Variants in CACNA2D1 observed in about 807,000 individuals in gnomAD.
CACNA2D1 encodes calcium voltage-gated channel auxiliary subunit alpha2delta 1, also known as voltage-dependent calcium channel subunit alpha-2/delta-1.
CACNA2D1 carries 53 observed loss-of-function variants against 171.5 expected under a neutral mutation model. That is an observed-to-expected ratio of 0.31 (90% CI 0.25 to 0.39). CACNA2D1 has a LOEUF of 0.39. CACNA2D1 is among the 10% of genes least tolerant of loss of function. The probability of loss-of-function intolerance (pLI) is 1.00; values close to 1 mark genes in which losing one functional copy is unlikely to be tolerated. For synonymous variants in CACNA2D1, 442 were observed against 443.1 expected, an observed-to-expected ratio of 1.00 and a Z score of 0.03; for missense variants, 903 against 1,299.8, an observed-to-expected ratio of 0.69 and a Z score of 4.69.
chr7:82,197,501 CTAGTA>C (rs1365297126), intron 3 of CACNA2D1, among the ~76,000 whole-genome samples: 2 of 151,988 alleles, frequency 1.3e-5, no homozygotes, highest in African/African-American at 4.8e-5. Context: ...ATATAATTTT[CTAGTA>C]TATGGGGCTG....
intron 4 of CACNA2D1, among the ~76,000 whole-genome samples, chr7:82,162,268 G>A (rs753562497): frequency 6.6e-6 from 1 of 151,994 alleles, no homozygotes; most frequent in Non-Finnish European, 1.5e-5. Flanking sequence ...AAGAAATGTG[G>A]CAGAGCTAGA....
At chr7:82,171,147 G>T (rs1219216057) in intron 3 of CACNA2D1, among the ~76,000 whole-genome samples, 1 of 151,994 alleles carries the variant, frequency 6.6e-6, no homozygotes, top group Non-Finnish European at 1.5e-5. Flanking sequence ...TTTGATAGAG[G>T]ATTTGTGCAT....
intron 4 of CACNA2D1, among the ~76,000 whole-genome samples, chr7:82,147,647 T>A (rs568214632): frequency 7.9e-5 from 12 of 152,314 alleles, no homozygotes; most frequent in Non-Finnish European, 1.8e-4. Context: ...TAATATATGA[T>A]GTCTTAGCAA....
chr7:82,293,084 G>C (rs1057414697), intron 3 of CACNA2D1, among the ~76,000 whole-genome samples: 2 of 151,686 alleles, frequency 1.3e-5, no homozygotes, highest in African/African-American at 2.4e-5. Context: ...TTTTCTAGGA[G>C]AGTCTCCTTA....
intron 3 of CACNA2D1, among the ~76,000 whole-genome samples, chr7:82,211,569 A>G (rs1310511581): frequency 1.3e-5 from 2 of 152,188 alleles, no homozygotes; most frequent in African/African-American, 4.8e-5. Context: ...GAAGTATTTC[A>G]TGGTGTAGAT....
intron 11 of CACNA2D1, among the ~76,000 whole-genome samples, chr7:82,033,997 G>A (rs1803015550): frequency 6.6e-6 from 1 of 151,838 alleles, no homozygotes; most frequent in Admixed American, 6.6e-5. Flanking sequence ...TACTTTAAGG[G>A]GAGTAATAAG....
At chr7:82,366,096 C>T (rs937715924) in intron 1 of CACNA2D1, among the ~76,000 whole-genome samples, 1 of 152,198 alleles carries the variant, frequency 6.6e-6, no homozygotes, top group Non-Finnish European at 1.5e-5. Flanking sequence ...GTTGCTACAG[C>T]ACAGATATAT....
intron 3 of CACNA2D1, among the ~76,000 whole-genome samples, chr7:82,218,144 C>A (rs1361497269): frequency 1.3e-5 from 2 of 152,086 alleles, no homozygotes; most frequent in Non-Finnish European, 2.9e-5. Context: ...CCGTGTTGGA[C>A]AGGATGGTCT....
chr7:81,954,501 G>A (rs36097237), intron 38 of CACNA2D1, among the ~76,000 whole-genome samples: 35,022 of 151,726 alleles, frequency 0.23, 4,184 homozygotes, highest in Middle Eastern at 0.29. Flanking sequence ...TACAGCATGC[G>A]TTACCAGTGG....
intron 1 of CACNA2D1, among the ~76,000 whole-genome samples, chr7:82,417,950 C>T (rs574637078): frequency 7.9e-5 from 12 of 152,274 alleles, no homozygotes; most frequent in African/African-American, 2.6e-4. Context: ...ACACTAACCA[C>T]ATCAACATGA....
chr7:82,408,254 C>G (rs1385562676), intron 1 of CACNA2D1, among the ~76,000 whole-genome samples: 1 of 152,044 alleles, frequency 6.6e-6, no homozygotes. Context: ...AACTCCTGAC[C>G]TCAAGTGGTC....
chr7:82,437,947 A>C (rs1830227273), intron 1 of CACNA2D1, among the ~76,000 whole-genome samples: 2 of 152,230 alleles, frequency 1.3e-5, no homozygotes, highest in Admixed American at 6.5e-5. Context: ...AAATGAAAGA[A>C]ATAAAACTGC....
chr7:82,415,617 A>G (rs1828093020), intron 1 of CACNA2D1, among the ~76,000 whole-genome samples: 1 of 152,064 alleles, frequency 6.6e-6, no homozygotes, highest in South Asian at 2.1e-4. Context: ...CTGGTCAGGT[A>G]GGTTATGTAT....
Position 82,425,950 on chromosome 7 carries a change from G to A in CACNA2D1, c.95+17415C>T, listed in dbSNP as rs1013552046. ...TCAAAACCAGCCTAGCCAAGATGGCGAAACCCCGTCTCTTACTAAAAATAC... is the reference window on the plus strand; with the variant it reads ...TCAAAACCAGCCTAGCCAAGATGGCAAAACCCCGTCTCTTACTAAAAATAC... On this transcript the variant is annotated intron_variant, in intron 1 of 38. Transcript: ENST00000356860. Among the ~76,000 whole-genome samples the A allele has an allele frequency of 6.6e-5, 10 of 150,946 alleles. No homozygotes were observed. The East Asian group carries it at 8.2e-4, about 12-fold the overall frequency.
At chr7:82,053,567 C>G (rs1205985829) in intron 10 of CACNA2D1, among the ~76,000 whole-genome samples, 2 of 151,854 alleles carry the variant, frequency 1.3e-5, no homozygotes, top group East Asian at 3.9e-4. Flanking sequence ...AATAAGTAAC[C>G]AAAACTAATT....
At chr7:82,266,808 C>A (rs573925180) in intron 3 of CACNA2D1, among the ~76,000 whole-genome samples, 2 of 152,298 alleles carry the variant, frequency 1.3e-5, no homozygotes, top group South Asian at 4.1e-4. Flanking sequence ...TGAGCCACTG[C>A]ACCCAGCCTC....
chr7:81,958,344 TAACTC>T (rs1173529958), intron 38 of CACNA2D1, among the ~76,000 whole-genome samples: 1 of 152,088 alleles, frequency 6.6e-6, no homozygotes, highest in Admixed American at 6.6e-5. Context: ...GTAAACTAAA[TAACTC>T]AAATAATTTA....
chr7:82,066,426 T>C lies in CACNA2D1; in HGVS notation c.728+29A>G, dbSNP rs765583771. On this transcript the variant is annotated intron_variant, in intron 8 of 38. Coordinates refer to ENST00000356860, the MANE Select transcript of CACNA2D1 (RefSeq NM_000722.4). ...AATATATATCTTCTTGCCTATTTTA[T>C]CTTTTCATGGCTAGCTAAAAATTCT... 78 of 1,610,502 alleles carry C rather than the reference T, an allele frequency of 4.8e-5. No individual in the cohort carries two copies. Among genetic ancestry groups the C allele is most frequent in the Non-Finnish European group, 6.2e-5 (73 of 1,178,446 alleles).
At chr7:81,952,902 TGCCTTGC>T (rs1792775293) in intron 38 of CACNA2D1, among the ~76,000 whole-genome samples, 1 of 152,094 alleles carries the variant, frequency 6.6e-6, no homozygotes, top group African/African-American at 2.4e-5. Context: ...AAACTTGACT[TGCCTTGC>T]CCCTAATATA....
Sources: allele counts gnomAD v4.1 joint callset (sites outside exome capture counted in the v4.1 genomes callset), GRCh38; gene constraint gnomAD v4.1.1; transcripts MANE v1.5; gene names NCBI Gene and HGNC (gene_info 2026-07-23, HGNC 2026-07-21).